Variants in RAP1GAP2 observed in about 807,000 individuals in gnomAD.
RAP1GAP2 encodes the protein rap1 GTPase-activating protein 2.
RAP1GAP2 carries 27 observed loss-of-function variants against 95.0 expected under a neutral mutation model. The ratio of observed to expected loss-of-function variants is 0.28; its 90% CI spans 0.21 to 0.39. The LOEUF (loss-of-function observed/expected upper bound fraction) is 0.39. Among genes scored for constraint, RAP1GAP2 ranks in the 10% least tolerant of loss-of-function variants. The pLI, the probability that RAP1GAP2 is intolerant of heterozygous loss-of-function variation, is 1.00. For synonymous variants in RAP1GAP2, 373 were observed against 380.9 expected (o/e 0.98, Z 0.24); for missense variants, 771 against 970.0 (o/e 0.79, Z 2.72).
chr17:3,012,425 C>T (rs931426776), intron 17 of RAP1GAP2, among the ~76,000 whole-genome samples: 1 of 151,862 alleles, frequency 6.6e-6, no homozygotes, highest in African/African-American at 2.4e-5. Context: ...CGAGACCAGC[C>T]TGGCCAACGT....
rs2046283902 is a variant in RAP1GAP2, at chr17:3,004,835, A to C, written c.1201-534A>C. Among the ~76,000 whole-genome samples the C allele has an allele frequency of 6.6e-6, 1 of 152,218 alleles. No individual in the cohort carries two copies. The highest frequency in any genetic ancestry group is 1.5e-5 in the Non-Finnish European group (1 of 68,036). ...GTCTGTATTTTTAAACACCTGAAGCAATTTTGAAGCAATTCTGATTTATGG... is the reference window on the plus strand; with the variant it reads ...GTCTGTATTTTTAAACACCTGAAGCCATTTTGAAGCAATTCTGATTTATGG... On this transcript the variant is annotated intron_variant, in intron 14 of 24. Transcript: ENST00000254695. This position sits in a 1 kb window ranked among gnomAD's most constrained non-coding sequence, Gnocchi z 4.1.
Position 2,854,275 on chromosome 17 carries a change from G to A in RAP1GAP2, c.81-51009G>A, listed in dbSNP as rs569448137. 5.3e-4 allele frequency among the ~76,000 whole-genome samples: 81 copies of A among 152,324 alleles called. 1 individual carries two copies. In the East Asian group the frequency reaches 0.016, roughly 29 times the overall value. ...AGCTTCGCCCCGGACCCTGGCTGGT[G>A]CGAGGAGCCTGGGCAGGACCTTGGC... On this transcript the variant is annotated intron_variant, in intron 2 of 24. Coordinates refer to ENST00000254695, the MANE Select transcript of RAP1GAP2 (RefSeq NM_015085.5).
intron 1 of RAP1GAP2, among the ~76,000 whole-genome samples, chr17:2,780,744 G>A (rs1048079422): frequency 1.3e-5 from 2 of 152,228 alleles, no homozygotes; most frequent in African/African-American, 4.8e-5. Flanking sequence ...AGTCTACTCC[G>A]ATCTCTGCAA....
rs148981526 is a variant in RAP1GAP2, at chr17:3,036,890, A to C, written c.*3529A>C. 4.1e-3 allele frequency: 625 copies of C among 152,760 alleles called. 1 individual carries two copies. The highest frequency in any genetic ancestry group is 6.6e-3 in the Non-Finnish European group (452 of 68,068). 9.5% of individuals were successfully genotyped at this position (152,760 alleles called of 1,614,324 possible). A position where few individuals can be genotyped will look rare whatever the true frequency, so the allele number is the denominator to read the frequency against. On this transcript the variant is annotated 3_prime_UTR_variant, in exon 25 of 25. Coordinates refer to ENST00000254695, the MANE Select transcript of RAP1GAP2 (RefSeq NM_015085.5). ...TACCTTTCTCATTGGTTTCTAAGTC[A>C]GTAGAGACAGATCTGTTTTAAGCAG...
At chr17:2,999,697 A>G (rs1188156136) in intron 14 of RAP1GAP2, among the ~76,000 whole-genome samples, 1 of 152,030 alleles carries the variant, frequency 6.6e-6, no homozygotes. Flanking sequence ...CTGTAATTCT[A>G]GCGCTTTGGG....
chr17:3,031,952 G>T (rs2047323247), intron 23 of RAP1GAP2, among the ~76,000 whole-genome samples: 1 of 150,050 alleles, frequency 6.7e-6, no homozygotes, highest in South Asian at 2.1e-4. Context: ...CCAGATGTGA[G>T]GTGGAAGGTG....
At chr17:2,989,016 A>G (rs752230786) in intron 11 of RAP1GAP2, among the ~76,000 whole-genome samples, 71 of 152,112 alleles carry the variant, frequency 4.7e-4, no homozygotes, top group Non-Finnish European at 6.9e-4. Flanking sequence ...CCGAGATTGC[A>G]CCACTGCACT....
chr17:2,843,780 A>T (rs574401394), intron 2 of RAP1GAP2, among the ~76,000 whole-genome samples: 1 of 152,086 alleles, frequency 6.6e-6, no homozygotes, highest in Non-Finnish European at 1.5e-5. Flanking sequence ...CGTGAAGGTC[A>T]CTACTGGCCT....
chr17:2,998,405 G>C (rs746365835), intron 14 of RAP1GAP2, 29 bp downstream of exon 14: 3 of 1,610,426 alleles, frequency 1.9e-6, no homozygotes, highest in South Asian at 1.1e-5. Flanking sequence ...TGGAGGGAGT[G>C]GTGGGCCTCG....
intron 1 of RAP1GAP2, among the ~76,000 whole-genome samples, chr17:2,779,583 C>T (rs1353837042): frequency 1.3e-5 from 2 of 152,142 alleles, no homozygotes; most frequent in Non-Finnish European, 2.9e-5. Flanking sequence ...CCTGGGCTGG[C>T]CGCTCAGATA....
intron 3 of RAP1GAP2, among the ~76,000 whole-genome samples, chr17:2,915,046 T>C (rs1276581454): frequency 6.6e-6 from 1 of 151,726 alleles, no homozygotes; most frequent in Non-Finnish European, 1.5e-5. Flanking sequence ...CGCCTCGGCC[T>C]CCCAAAGTGC....
intron 8 of RAP1GAP2, among the ~76,000 whole-genome samples, chr17:2,975,891 G>C (rs1382269172): frequency 1.3e-5 from 2 of 152,224 alleles, no homozygotes; most frequent in African/African-American, 4.8e-5. Context: ...TTGTTTGTTT[G>C]CTTTTGAATT....
At chr17:2,981,615 C>T (rs931662359) in intron 10 of RAP1GAP2, among the ~76,000 whole-genome samples, 1 of 152,088 alleles carries the variant, frequency 6.6e-6, no homozygotes, top group African/African-American at 2.4e-5. Context: ...CACAGAGGGG[C>T]GGGAAGTACA....
rs368927030 is a variant in RAP1GAP2, at chr17:2,962,553, G to T, written c.202-117G>T. On this transcript the variant is annotated intron_variant, in intron 4 of 24. Transcript: ENST00000254695. ...GGTGTGATGTGTGCAGGCCCAGCAC[G>T]GGCCAGCTTTTGCTGCTGCTCCTGT... The T allele has an allele frequency of 3.7e-5, 42 of 1,141,724 alleles. No homozygotes were observed. In the East Asian group the frequency reaches 9.9e-4, roughly 27 times the overall value. 70.7% of individuals were successfully genotyped at this position (1,141,724 alleles called of 1,614,324 possible). A position where few individuals can be genotyped will look rare whatever the true frequency, so the allele number is the denominator to read the frequency against.
At position 2,824,010 on chromosome 17, in the gene RAP1GAP2, C is replaced by G. The variant is rs1462373739; in HGVS notation, c.80+23460C>G. On this transcript the variant is annotated intron_variant, in intron 2 of 24. Coordinates refer to ENST00000254695, the MANE Select transcript of RAP1GAP2 (RefSeq NM_015085.5). ...TGGTGGCGGGCGCCTGTAGTCCCAG[C>G]TACTCGGGAGGCTGAGGCAGGAGAA... is the stretch of plus-strand genomic sequence containing the variant. Among the ~76,000 whole-genome samples, 3 of 151,066 alleles carry G rather than the reference C, an allele frequency of 2.0e-5. No individual in the cohort carries two copies. The East Asian group carries it at 5.9e-4, about 30-fold the overall frequency.
At chr17:2,970,162 T>C (rs1240713840) in intron 8 of RAP1GAP2, among the ~76,000 whole-genome samples, 1 of 151,470 alleles carries the variant, frequency 6.6e-6, no homozygotes, top group African/African-American at 2.4e-5. Flanking sequence ...TAACCCTAGC[T>C]ACTCGGGAGG....
At chr17:2,962,334 C>A in intron 4 of RAP1GAP2, 1 of 329,054 alleles carries the variant, frequency 3.0e-6, no homozygotes, top group Non-Finnish European at 5.6e-6. Context: ...CCACCATAGT[C>A]GATGCCATCA....
chr17:2,862,435 A>C (rs2072439834), intron 2 of RAP1GAP2, among the ~76,000 whole-genome samples: 1 of 152,138 alleles, frequency 6.6e-6, no homozygotes. Context: ...CGGTGAAATC[A>C]ACGAAAAGCA....
chr17:2,894,958 C>T (rs555575425), intron 2 of RAP1GAP2, among the ~76,000 whole-genome samples: 2 of 152,256 alleles, frequency 1.3e-5, no homozygotes, highest in East Asian at 3.9e-4. Context: ...CACCCCGCCT[C>T]GGGCCCCTTG....
Sources: gnomAD v4.1 joint callset for allele counts (sites outside exome capture counted in the v4.1 genomes callset) on GRCh38, gnomAD v4.1.1 for gene constraint, Gnocchi (gnomAD v3.1) non-coding constraint, MANE v1.5 for transcripts, NCBI Gene and HGNC (gene_info 2026-07-23, HGNC 2026-07-21) for gene names.